Variants in HDAC10 observed in about 807,000 individuals in gnomAD.
The protein encoded by HDAC10 is polyamine deacetylase HDAC10.
HDAC10 carries 90 observed loss-of-function variants against 82.3 expected under a neutral mutation model. The observed-to-expected ratio is 1.09, with a 90% confidence interval of 0.92 to 1.30. The LOEUF is 1.30. HDAC10 is among the 50% of genes most tolerant of loss of function. The pLI is 0.00. For synonymous variants in HDAC10, 456 were observed against 391.7 expected (o/e 1.16, Z -1.94); for missense variants, 934 against 876.3 (o/e 1.07, Z -0.83).
chr22:50,247,283 C>A (rs1311078823), intron 14 of HDAC10: 2 of 330,146 alleles, frequency 6.1e-6, no homozygotes, highest in East Asian at 1.1e-4. Flanking sequence ...CAGGCACACA[C>A]CACCACGCTT....
chr22:50,245,862 T>A (rs1482700702), intron 18 of HDAC10, 35 bp from the exon 19 acceptor site: 1 of 1,554,452 alleles, frequency 6.4e-7, no homozygotes. Context: ...CAGTCACTGG[T>A]CCTTTCCCTC....
intron 3 of HDAC10, 125 bp downstream of exon 3, chr22:50,250,302 G>A (rs2065055975): frequency 8.3e-7 from 1 of 1,207,660 alleles, no homozygotes; most frequent in Non-Finnish European, 1.2e-6. Flanking sequence ...CAGCAGGCAG[G>A]TGTGCAGGGC....
chr22:50,249,836 C>T lies in HDAC10; in HGVS notation c.494+24G>A. 2.5e-6 allele frequency: 4 copies of T among 1,608,288 alleles called. No homozygotes were observed. Among genetic ancestry groups the T allele is most frequent in the Non-Finnish European group, 8.5e-7 (1 of 1,176,432 alleles). On this transcript the variant is annotated intron_variant, in intron 5 of 19. Transcript: ENST00000216271. The surrounding 1 kb of genome is among the most constrained non-coding windows in gnomAD (Gnocchi z 4.4). ...CTTGCTGTGTGGCCTGGGCCCACCCCCCTGCAGCCAGCCTGGCACACACCT... is the reference window on the plus strand; with the variant it reads ...CTTGCTGTGTGGCCTGGGCCCACCCTCCTGCAGCCAGCCTGGCACACACCT...
In HDAC10 at chr22:50,245,732, G is replaced by T; in HGVS notation, c.1929C>A (p.Asp643Glu). The T allele has an allele frequency of 6.2e-7, 1 of 1,612,938 alleles. No homozygotes were observed. The highest frequency in any genetic ancestry group is 1.3e-5 in the African/African-American group (1 of 75,054). ...CTCTCAGGTACATCAGGGCCTGGAC[G>T]TCCTCTGGGGAGGCCACAGAGGAAG... ...LGPSSVASPE[D>E]VQALMYLRGQ... The change falls in exon 19 of 20, where the codon GAC (aspartate) becomes GAA (glutamate). Residue 643 changes from aspartate to glutamate, a missense_variant. Coordinates refer to ENST00000216271, the MANE Select transcript of HDAC10 (RefSeq NM_032019.6).
At position 50,250,498 on chromosome 22, in the gene HDAC10, C is replaced by T. The variant is rs376758414; in HGVS notation, c.220G>A (p.Glu74Lys). 3.7e-6 allele frequency: 6 copies of T among 1,612,766 alleles called. No homozygotes were observed. Among genetic ancestry groups the T allele is most frequent in the African/African-American group, 1.3e-5 (1 of 74,928 alleles). ...HSPEYVSLVR[E>K]TQVLGKEELQ... ...TCCTCCTTGCCTAGGACCTGGGTCT[C>T]CCTGACCAGGGATACATACTCTGGG... Residue 74 changes from glutamate (E) to lysine (K), a missense_variant, in exon 3 of 20, where the codon GAG becomes AAG. Transcript: ENST00000216271.
Position 50,250,576 on chromosome 22 carries a change from G to A in HDAC10, c.195-53C>T, listed in dbSNP as rs1166584708. The A allele has an allele frequency of 3.5e-6, 5 of 1,447,614 alleles. No individual in the cohort carries two copies. In the Admixed American group the frequency reaches 5.1e-5, roughly 15 times the overall value. 89.7% of individuals were successfully genotyped at this position (1,447,614 alleles called of 1,614,324 possible). ...GCAGGGTCACCAGCAGGAGCAGGGG[G>A]GCGGGAGGCGGGGACCTGGGATTCA... On this transcript the variant is annotated intron_variant, in intron 2 of 19. Coordinates refer to ENST00000216271, the MANE Select transcript of HDAC10 (RefSeq NM_032019.6).
rs771769622 is a variant in HDAC10 at position 50,247,925 on chromosome 22, C to G, written c.1302G>C (p.Ala434=). The G allele has an allele frequency of 1.2e-6, 2 of 1,612,680 alleles. No homozygotes were observed. The highest frequency in any genetic ancestry group is 1.3e-5 in the African/African-American group (1 of 74,938). ...CTTCTGTCTCCTCCCTCAGGGCTGACGCTTCCTGTTGGATGACGTCAGGGG... is the reference window on the plus strand; with the variant it reads ...CTTCTGTCTCCTCCCTCAGGGCTGAGGCTTCCTGTTGGATGACGTCAGGGG... ...VLPPDVIQQE[A]SALREETEAW... Residue 434 remains alanine, a synonymous_variant, in exon 13 of 20, where the codon GCG becomes GCC. Coordinates refer to ENST00000216271, the MANE Select transcript of HDAC10 (RefSeq NM_032019.6).
Position 50,250,966 on chromosome 22 carries a change from C to T in HDAC10, c.59+8G>A. The stretch of plus-strand genomic sequence containing the variant: ...CCCCGCACCCCACCTCGGCCAGGTC[C>T]CACTTACTCGTCCCAGAGCAGCCGG... On this transcript the variant is annotated splice_region_variant and intron_variant, in intron 1 of 19. Coordinates refer to ENST00000216271, the MANE Select transcript of HDAC10 (RefSeq NM_032019.6). 1 of 1,612,360 alleles carries T rather than the reference C, an allele frequency of 6.2e-7. No individual in the cohort carries two copies. The highest frequency in any genetic ancestry group is 8.5e-7 in the Non-Finnish European group (1 of 1,179,576).
intron 17 of HDAC10, 44 bp from the exon 18 acceptor site, chr22:50,246,136 C>T (rs780167274): frequency 6.4e-7 from 1 of 1,567,382 alleles, no homozygotes; most frequent in East Asian, 2.3e-5. Context: ...CGGACACCTG[C>T]TGGCTCTGGC....
Position 50,248,876 on chromosome 22 carries a change from C to T in HDAC10, c.771G>A (p.Leu257=), listed in dbSNP as rs1160430518. 24 of 1,611,624 alleles carry T rather than the reference C, an allele frequency of 1.5e-5. No homozygotes were observed. Among genetic ancestry groups the T allele is most frequent in the Non-Finnish European group, 1.5e-5 (18 of 1,179,524 alleles). Residue 257 remains leucine (L), a synonymous_variant, in exon 9 of 20, where the codon CTG becomes CTA. Coordinates refer to ENST00000216271, the MANE Select transcript of HDAC10 (RefSeq NM_032019.6). The surrounding 1 kb of genome is among the most constrained non-coding windows in gnomAD (Gnocchi z 5.4). The stretch of plus-strand genomic sequence containing the variant: ...AGTCAAATCCTGCCGAGACCAGCAC[C>T]AGCTCAGGGTCAAACTACAGGCCAG... The part of the protein sequence containing the change: ...LPLAFEFDPE[L]VLVSAGFDSA...
rs752688491 is a variant in HDAC10, at chr22:50,247,880, C to A, written c.1337+10G>T. The A allele has an allele frequency of 1.9e-6, 3 of 1,612,500 alleles. No homozygotes were observed. The highest frequency in any genetic ancestry group is 2.5e-6 in the Non-Finnish European group (3 of 1,179,938). On this transcript the variant is annotated intron_variant, in intron 13 of 19. Transcript: ENST00000216271. ...GGCCCCATCCTTCTCCCCAGGCCAG[C>A]CCTGCCCACCTGGCCCAGGCTTCTG... is the stretch of plus-strand genomic sequence containing the variant.
Position 50,246,701 on chromosome 22 carries a change from G to T in HDAC10, c.1549C>A (p.Pro517Thr). ...TACCCGTCATGGGCGAGGTCTGGAG[G>T]CCGGTCCAGCTGTCCCAGGGCCACG... ...LCVALGQLDR[P>T]PDLAHDGRSL... The change falls in exon 16 of 20, where the codon CCT (proline) becomes ACT (threonine). Residue 517 changes from proline (P) to threonine (T), a missense_variant. Pro to Thr is a conservative substitution (Grantham distance 38). Transcript: ENST00000216271. 1 of 1,611,836 alleles carries T rather than the reference G, an allele frequency of 6.2e-7. No homozygotes were observed. The highest frequency in any genetic ancestry group is 8.5e-7 in the Non-Finnish European group (1 of 1,179,926).
intron 3 of HDAC10, 81 bp from the exon 4 acceptor site, chr22:50,250,241 C>T: frequency 7.2e-7 from 1 of 1,395,434 alleles, no homozygotes; most frequent in South Asian, 1.2e-5. Flanking sequence ...TGCCAGGCTG[C>T]AAGACACCAG....
rs1472701203 is a variant in HDAC10, at chr22:50,249,688, G to C, written c.510C>G (p.Asp170Glu). The C allele has an allele frequency of 6.2e-7, 1 of 1,612,730 alleles. No individual in the cohort carries two copies. Among genetic ancestry groups the C allele is most frequent in the Non-Finnish European group, 8.5e-7 (1 of 1,179,946 alleles). Residue 170 changes from aspartate to glutamate, a missense_variant, in exon 6 of 20, where the codon GAC (aspartate) becomes GAG (glutamate). Physicochemically the swap from Asp to Glu is conservative, Grantham distance 45 (BLOSUM62 2). Transcript: ENST00000216271. The surrounding 1 kb of genome is among the most constrained non-coding windows in gnomAD (Gnocchi z 4.4). ...KHGLHRILVV[D>E]WDVHHGQGIQ... The stretch of plus-strand genomic sequence containing the variant: ...TCCCCTGGCCATGGTGCACATCCCA[G>C]TCCACGACGAGGATCCTGGGTACAG...
chr22:50,248,366 C>T lies in HDAC10; in HGVS notation c.1013G>A (p.Ser338Asn), dbSNP rs758302637. ...CTGCCCGCCCTACCTCCCCTCGCAC[C>T]TCTGACATGGCGCCATTGGCCCTGA... ...PLSGPMAPCQ[S>N]ALESIQSARA... Residue 338 changes from serine to asparagine, a missense_variant and splice_region_variant, in exon 11 of 20, where the codon AGT becomes AAT. Physicochemically the swap from Ser to Asn is conservative, Grantham distance 46 (BLOSUM62 1). Transcript: ENST00000216271. This position sits in a 1 kb window ranked among gnomAD's most constrained non-coding sequence, Gnocchi z 5.4. 5.0e-6 allele frequency: 8 copies of T among 1,610,996 alleles called. No individual in the cohort carries two copies. The highest frequency in any genetic ancestry group is 2.2e-5 in the South Asian group (2 of 91,070).
intron 3 of HDAC10, 107 bp downstream of exon 3, chr22:50,250,320 T>C: frequency 8.0e-7 from 1 of 1,249,792 alleles, no homozygotes; most frequent in Admixed American, 1.7e-5. Context: ...GGCAATGTCA[T>C]GTGTATGGAC....
rs751087965 is a variant in HDAC10 at position 50,245,984 on chromosome 22, C to G, written c.1759G>C (p.Gly587Arg). ...GCAGCCAGGAGTGCAGCGTGGGGGCCCTGCAGGCCATGGCCAGGCCCCAGC... is the reference window on the plus strand; with the variant it reads ...GCAGCCAGGAGTGCAGCGTGGGGGCGCTGCAGGCCATGGCCAGGCCCCAGC... Reference protein sequence around the residue: ...VALGPGHGLQGPHAALLAAML... With the variant: ...VALGPGHGLQRPHAALLAAML... The change falls in exon 18 of 20, where the codon GGC (glycine) becomes CGC (arginine). Residue 587 changes from glycine (G) to arginine (R), a missense_variant. Coordinates refer to ENST00000216271, the MANE Select transcript of HDAC10 (RefSeq NM_032019.6). The G allele has an allele frequency of 1.9e-6, 3 of 1,610,378 alleles. No individual in the cohort carries two copies. The highest frequency in any genetic ancestry group is 2.2e-5 in the South Asian group (2 of 90,652).
intron 15 of HDAC10, 34 bp downstream of exon 15, chr22:50,246,841 C>G: frequency 2.5e-6 from 4 of 1,596,770 alleles, no homozygotes; most frequent in Non-Finnish European, 3.4e-6. Context: ...CAGGTCCTGC[C>G]GTCAGAGGCT....
chr22:50,246,340 C>T lies in HDAC10; in HGVS notation c.1608G>A (p.Ala536=), dbSNP rs1311432384. The stretch of plus-strand genomic sequence containing the variant: ...AGACATGGAACATGGATAGGGCAGC[C>T]GCCTCCTTGCCCCTGATGTTCAGCC... ...SLWLNIRGKE[A]AALSMFHVST... Residue 536 remains alanine (A), a synonymous_variant, in exon 17 of 20, where the codon GCG becomes GCA. Coordinates refer to ENST00000216271, the MANE Select transcript of HDAC10 (RefSeq NM_032019.6). 9 of 1,612,980 alleles carry T rather than the reference C, an allele frequency of 5.6e-6. No individual in the cohort carries two copies. Among genetic ancestry groups the T allele is most frequent in the South Asian group, 1.1e-5 (1 of 91,086 alleles).
Sources: gnomAD v4.1 joint callset for allele counts on GRCh38, gnomAD v4.1.1 for gene constraint, Gnocchi (gnomAD v3.1) non-coding constraint, MANE v1.5 for transcripts, NCBI Gene and HGNC (gene_info 2026-07-23, HGNC 2026-07-21) for gene names.